Variants in NDST4 observed in about 807,000 individuals in gnomAD.
NDST4 encodes the protein N-deacetylase and N-sulfotransferase 4, also known as N-heparan sulfate sulfotransferase 4.
In NDST4, 63 loss-of-function variants were observed where a neutral mutation model predicts 100.8. The ratio of observed to expected loss-of-function variants is 0.62; its 90% CI spans 0.51 to 0.77. The LOEUF is 0.77. NDST4 is among the 30% of genes least tolerant of loss of function. NDST4 has a pLI of 0.00. For synonymous variants in NDST4, 377 were observed against 361.8 expected, an observed-to-expected ratio of 1.04 and a Z score of -0.48; for missense variants, 943 against 1,018.4, an observed-to-expected ratio of 0.93 and a Z score of 1.01.
At chr4:115,094,313 A>T (rs1729577980) in intron 1 of NDST4, among the ~76,000 whole-genome samples, 1 of 152,164 alleles carries the variant, frequency 6.6e-6, no homozygotes, top group Non-Finnish European at 1.5e-5. Context: ...TCAACAGAAG[A>T]TCTCATCAAA....
chr4:114,959,845 AG>A (rs1367120568), intron 4 of NDST4, among the ~76,000 whole-genome samples: 13 of 152,222 alleles, frequency 8.5e-5, no homozygotes, highest in Admixed American at 8.5e-4. Flanking sequence ...AAAAGAGTGA[AG>A]GGAGAAAAAG....
At chr4:114,895,390 A>T (rs567809076) in intron 6 of NDST4, among the ~76,000 whole-genome samples, 1 of 152,334 alleles carries the variant, frequency 6.6e-6, no homozygotes, top group South Asian at 2.1e-4. Context: ...TCTAGAAGAA[A>T]TGAATACATT....
chr4:115,092,464 A>G (rs1278072806), intron 1 of NDST4, among the ~76,000 whole-genome samples: 1 of 119,042 alleles, frequency 8.4e-6, no homozygotes, highest in Non-Finnish European at 2.1e-5. Flanking sequence ...TTAAAAAATG[A>G]TAAAATGTCA....
At chr4:115,021,493 A>G (rs182295273) in intron 2 of NDST4, among the ~76,000 whole-genome samples, 556 of 143,710 alleles carry the variant, frequency 3.9e-3, no homozygotes, top group African/African-American at 0.014. Context: ...CATTCCATAT[A>G]TACACACGTT....
chr4:114,927,469 T>A (rs1006810834), intron 6 of NDST4, among the ~76,000 whole-genome samples: 1 of 152,084 alleles, frequency 6.6e-6, no homozygotes, highest in Non-Finnish European at 1.5e-5. Context: ...TATCCTTATA[T>A]AATGGTGAGA....
In NDST4 at chr4:114,996,287, C is replaced by T. The variant is rs150690930; in HGVS notation, c.979-19013G>A. 3.4e-3 allele frequency among the ~76,000 whole-genome samples: 515 copies of T among 152,110 alleles called. 3 individuals carry two copies. Among genetic ancestry groups the T allele is most frequent in the Non-Finnish European group, 4.0e-3 (274 of 67,962 alleles). ...CCCCTGCTTGCACTCATTCTCTTTC[C>T]CGCTGCCCCTGTGAAGAGGTGCCTT... On this transcript the variant is annotated intron_variant, in intron 2 of 13. Coordinates refer to ENST00000264363, the MANE Select transcript of NDST4 (RefSeq NM_022569.3).
intron 6 of NDST4, among the ~76,000 whole-genome samples, chr4:114,896,276 T>C (rs953492412): frequency 5.3e-5 from 8 of 152,078 alleles, no homozygotes; most frequent in South Asian, 4.1e-4. Flanking sequence ...TTATTACTTA[T>C]TATTATTATG....
chr4:114,845,216 C>T (rs1474090971), intron 10 of NDST4, among the ~76,000 whole-genome samples: 4 of 152,026 alleles, frequency 2.6e-5, no homozygotes, highest in Admixed American at 6.6e-5. Flanking sequence ...CCTGTAGTCT[C>T]AGCTACTTGG....
At chr4:115,072,740 G>T (rs1284519144) in intron 2 of NDST4, among the ~76,000 whole-genome samples, 2 of 151,804 alleles carry the variant, frequency 1.3e-5, no homozygotes, top group African/African-American at 2.4e-5. Context: ...ATGACTAAAA[G>T]AAAACATAGA....
chr4:115,082,693 A>T (rs1256093392), intron 1 of NDST4, among the ~76,000 whole-genome samples: 1 of 152,184 alleles, frequency 6.6e-6, no homozygotes, highest in African/African-American at 2.4e-5. Flanking sequence ...ATCTATTTTT[A>T]AAATGACAAA....
At chr4:115,075,545 G>T (rs2126289310) in intron 2 of NDST4, among the ~76,000 whole-genome samples, 1 of 152,248 alleles carries the variant, frequency 6.6e-6, no homozygotes, top group East Asian at 1.9e-4. Context: ...CCAGCACTTT[G>T]GAAGGTCAAG....
intron 6 of NDST4, among the ~76,000 whole-genome samples, chr4:114,907,265 A>G (rs1368460055): frequency 6.6e-6 from 1 of 152,156 alleles, no homozygotes; most frequent in African/African-American, 2.4e-5. Context: ...CTGGCCCAGA[A>G]TAAGGGCACA....
chr4:114,947,279 A>T lies in NDST4; in HGVS notation c.1222-9776T>A, dbSNP rs545574240. Among the ~76,000 whole-genome samples, 6 of 152,290 alleles carry T rather than the reference A, an allele frequency of 3.9e-5. No homozygotes were observed. In the South Asian group the frequency reaches 1.2e-3, roughly 32 times the overall value. ...CTATAGGGAAGTATGATAAAAAGAA[A>T]AGTGTAAAGAAATTCAGAGCATATA... On this transcript the variant is annotated intron_variant, in intron 4 of 13. Transcript: ENST00000264363.
Position 114,833,644 on chromosome 4 carries a change from C to T in NDST4, c.2358G>A (p.Leu786=). ...ATVMDEVQKF[L]GVTPRYNYSE... ...AGTAATTATAACGAGGTGTAACTCCCAGAAACTTCTGGACTTCATCCATCA... is the reference window on the plus strand; with the variant it reads ...AGTAATTATAACGAGGTGTAACTCCTAGAAACTTCTGGACTTCATCCATCA... The change falls in exon 12 of 14, where the codon CTG becomes CTA. Residue 786 remains leucine, a synonymous_variant. Coordinates refer to ENST00000264363, the MANE Select transcript of NDST4 (RefSeq NM_022569.3). 6.2e-7 allele frequency: 1 copy of T among 1,613,178 alleles called. No individual in the cohort carries two copies. Among genetic ancestry groups the T allele is most frequent in the South Asian group, 1.1e-5 (1 of 90,894 alleles).
At position 115,076,210 on chromosome 4, in the gene NDST4, T is replaced by C. The variant is rs746896779; in HGVS notation, c.827A>G (p.Asn276Ser). 1.1e-5 allele frequency: 17 copies of C among 1,613,806 alleles called. No individual in the cohort carries two copies. Among genetic ancestry groups the C allele is most frequent in the Non-Finnish European group, 1.4e-5 (17 of 1,179,952 alleles). Residue 276 changes from asparagine to serine, a missense_variant, in exon 2 of 14, where the codon AAC (asparagine) becomes AGC (serine). By Grantham distance (46) the Asn-to-Ser change is conservative. Coordinates refer to ENST00000264363, the MANE Select transcript of NDST4 (RefSeq NM_022569.3). ...IQRVLFGNNL[N>S]FWLHKLIFID... ...GAAGATGAGCTTGTGCAGCCAAAAGTTCAAGTTGTTGCCAAAAAGTACTCT... is the reference window on the plus strand; with the variant it reads ...GAAGATGAGCTTGTGCAGCCAAAAGCTCAAGTTGTTGCCAAAAAGTACTCT...
chr4:114,834,637 C>T (rs1369538236), intron 11 of NDST4, among the ~76,000 whole-genome samples: 1 of 151,402 alleles, frequency 6.6e-6, no homozygotes, highest in African/African-American at 2.4e-5. Context: ...TTTGTTAAGT[C>T]TCTGCCAGGT....
chr4:114,914,523 G>T (rs1725128525), intron 6 of NDST4, among the ~76,000 whole-genome samples: 1 of 152,024 alleles, frequency 6.6e-6, no homozygotes, highest in African/African-American at 2.4e-5. Flanking sequence ...AGAAGATTTT[G>T]CTTTTCATTA....
At chr4:114,912,497 C>A (rs1401773797) in intron 6 of NDST4, among the ~76,000 whole-genome samples, 2 of 152,112 alleles carry the variant, frequency 1.3e-5, no homozygotes, top group Non-Finnish European at 2.9e-5. Flanking sequence ...ACTTGTAGTA[C>A]AGCTTGTCAT....
chr4:114,963,702 C>T lies in NDST4; in HGVS notation c.1221+6728G>A, dbSNP rs1036319719. ...TAAATACATTTTCAACTAGAGGCAA[C>T]GGATTAGATGAGAGAAAGAAAGGTA... On this transcript the variant is annotated intron_variant, in intron 4 of 13. Coordinates refer to ENST00000264363, the MANE Select transcript of NDST4 (RefSeq NM_022569.3). Among the ~76,000 whole-genome samples the T allele has an allele frequency of 1.2e-4, 18 of 151,934 alleles. No homozygotes were observed. The East Asian group carries it at 1.7e-3, about 15-fold the overall frequency.
Sources: allele counts gnomAD v4.1 joint callset (sites outside exome capture counted in the v4.1 genomes callset), GRCh38; gene constraint gnomAD v4.1.1; transcripts MANE v1.5; gene names NCBI Gene and HGNC (gene_info 2026-07-23, HGNC 2026-07-21).